Variants in PLEKHH2 observed in about 807,000 individuals in gnomAD.
PLEKHH2 encodes the protein pleckstrin homology domain-containing family H member 2.
Under a neutral mutation model 187.9 loss-of-function variants are expected in PLEKHH2, and 129 were observed. That is an observed-to-expected ratio of 0.69 (90% CI 0.59 to 0.79). PLEKHH2 has a LOEUF of 0.79. PLEKHH2 is among the 30% of genes least tolerant of loss of function. The pLI is 0.00. For synonymous variants in PLEKHH2, 686 were observed against 605.6 expected, an observed-to-expected ratio of 1.13 and a Z score of -1.95; for missense variants, 2,076 against 1,751.2, an observed-to-expected ratio of 1.19 and a Z score of -3.31.
chr2:43,646,767 A>G (rs528001971), intron 2 of PLEKHH2, among the ~76,000 whole-genome samples: 85 of 149,620 alleles, frequency 5.7e-4, no homozygotes, highest in African/African-American at 2.0e-3. Flanking sequence ...TAGGAATGTT[A>G]TTTCGGAATT....
chr2:43,753,041 T>C lies in PLEKHH2; in HGVS notation c.3654-578T>C, dbSNP rs77044789. ...TTGGGGGTAGTTTTGAGTTGAAACC[T>C]TCACTTCCTTTTCTGTGCTGTGTCC... is the stretch of plus-strand genomic sequence containing the variant. On this transcript the variant is annotated intron_variant, in intron 24 of 29. Transcript: ENST00000282406. Among the ~76,000 whole-genome samples, 147 of 152,310 alleles carry C rather than the reference T, an allele frequency of 9.7e-4. 1 individual carries two copies. The highest frequency in any genetic ancestry group is 3.4e-3 in the African/African-American group (141 of 41,580).
intron 28 of PLEKHH2, among the ~76,000 whole-genome samples, chr2:43,763,745 T>C (rs1189570714): frequency 1.3e-5 from 2 of 152,176 alleles, no homozygotes; most frequent in African/African-American, 4.8e-5. Context: ...AAATATTTGC[T>C]GCATATGTGA....
intron 19 of PLEKHH2, among the ~76,000 whole-genome samples, chr2:43,736,553 G>A (rs533683731): frequency 2.0e-5 from 3 of 152,314 alleles, no homozygotes; most frequent in African/African-American, 7.2e-5. Context: ...TCACAGGGCT[G>A]ATCGGGCGCG....
intron 20 of PLEKHH2, among the ~76,000 whole-genome samples, chr2:43,738,941 G>T (rs1374709232): frequency 1.3e-5 from 2 of 152,034 alleles, no homozygotes; most frequent in African/African-American, 4.8e-5. Flanking sequence ...GCCCAGGCTG[G>T]AGTGCAATGG....
In PLEKHH2 at chr2:43,745,858, C is replaced by T. The variant is rs993395940; in HGVS notation, c.3556-8C>T. 9 of 1,591,778 alleles carry T rather than the reference C, an allele frequency of 5.7e-6. No homozygotes were observed. The highest frequency in any genetic ancestry group is 2.7e-5 in the African/African-American group (2 of 74,356). The stretch of plus-strand genomic sequence containing the variant: ...ACTGTAAATCTCAGTTTTCCACTTC[C>T]TTTCTAGATTTGTGACATTATTTCC... On this transcript the variant is annotated splice_polypyrimidine_tract_variant and splice_region_variant and intron_variant, in intron 23 of 29. Coordinates refer to ENST00000282406, the MANE Select transcript of PLEKHH2 (RefSeq NM_172069.4).
intron 2 of PLEKHH2, among the ~76,000 whole-genome samples, chr2:43,647,761 A>G (rs1238369482): frequency 6.6e-6 from 1 of 152,086 alleles, no homozygotes; most frequent in Non-Finnish European, 1.5e-5. Context: ...CCTTCCCCCT[A>G]AATGGATGCA....
At chr2:43,707,934 A>G (rs994518850) in intron 11 of PLEKHH2, among the ~76,000 whole-genome samples, 10 of 152,330 alleles carry the variant, frequency 6.6e-5, no homozygotes, top group Middle Eastern at 3.4e-3. Flanking sequence ...CTGATGTTAA[A>G]GTGGAGAACA....
intron 4 of PLEKHH2, 67 bp downstream of exon 4, chr2:43,692,730 A>C: frequency 6.7e-7 from 1 of 1,492,580 alleles, no homozygotes; most frequent in South Asian, 1.2e-5. Context: ...CAAAGATTAA[A>C]AAGAGAGAGC....
chr2:43,668,770 C>T (rs1226958477), intron 2 of PLEKHH2, among the ~76,000 whole-genome samples: 4 of 152,128 alleles, frequency 2.6e-5, no homozygotes, highest in Non-Finnish European at 4.4e-5. Context: ...CCCAGGAGTT[C>T]GAGACCTGCT....
At chr2:43,674,889 A>G (rs935604008) in intron 2 of PLEKHH2, among the ~76,000 whole-genome samples, 2 of 152,010 alleles carry the variant, frequency 1.3e-5, no homozygotes, top group Admixed American at 1.3e-4. Flanking sequence ...GTAGGCTGAG[A>G]TAGGAGAATC....
chr2:43,757,197 C>G lies in PLEKHH2; in HGVS notation c.3874C>G (p.Leu1292Val), dbSNP rs757753604. Residue 1292 changes from leucine (L) to valine (V), a missense_variant, in exon 26 of 30, where the codon CTA becomes GTA. By Grantham distance (32) the Leu-to-Val change is conservative. Transcript: ENST00000282406. Reference protein sequence around the residue: ...VTNQCKVNQTLKQVIEKFYPK... With the variant: ...VTNQCKVNQTVKQVIEKFYPK... ...CAATCAGTGCAAAGTGAATCAAACTCTAAAGCAAGTCATAGAGAAATTTTA... is the reference window on the plus strand; with the variant it reads ...CAATCAGTGCAAAGTGAATCAAACTGTAAAGCAAGTCATAGAGAAATTTTA... The G allele has an allele frequency of 6.2e-7, 1 of 1,604,026 alleles. No individual in the cohort carries two copies. The highest frequency in any genetic ancestry group is 8.5e-7 in the Non-Finnish European group (1 of 1,176,104).
intron 5 of PLEKHH2, among the ~76,000 whole-genome samples, 199 bp downstream of exon 5, chr2:43,694,713 CATG>C (rs1449651191): frequency 6.6e-6 from 1 of 152,114 alleles, no homozygotes; most frequent in East Asian, 1.9e-4. Context: ...TTAATAGACT[CATG>C]AGGATCAGTG....
intron 24 of PLEKHH2, among the ~76,000 whole-genome samples, chr2:43,752,266 T>G (rs1158519346): frequency 3.3e-5 from 5 of 152,246 alleles, no homozygotes; most frequent in Non-Finnish European, 7.3e-5. Flanking sequence ...CATCTGTTTC[T>G]GTTGCCCAGC....
chr2:43,677,575 T>C (rs898447964), intron 2 of PLEKHH2, among the ~76,000 whole-genome samples: 21 of 151,878 alleles, frequency 1.4e-4, no homozygotes, highest in Non-Finnish European at 2.7e-4. Flanking sequence ...CAGAACAAAA[T>C]GAAAAGTCTC....
intron 11 of PLEKHH2, among the ~76,000 whole-genome samples, chr2:43,708,846 T>C (rs1322306326): frequency 3.3e-5 from 5 of 152,198 alleles, no homozygotes; most frequent in African/African-American, 1.2e-4. Flanking sequence ...CTGAGGTCCC[T>C]ATAGGTCTAC....
intron 16 of PLEKHH2, among the ~76,000 whole-genome samples, chr2:43,725,629 C>T (rs540486839): frequency 5.0e-4 from 76 of 152,304 alleles, no homozygotes; most frequent in African/African-American, 1.8e-3. Flanking sequence ...TTCTTTCTGC[C>T]TCCTATAAGA....
chr2:43,720,345 T>C (rs1043355547), intron 15 of PLEKHH2, among the ~76,000 whole-genome samples: 1 of 151,856 alleles, frequency 6.6e-6, no homozygotes, highest in Non-Finnish European at 1.5e-5. Context: ...TTGTTACATG[T>C]GAATATTGCA....
chr2:43,667,387 CA>C (rs1375085203), intron 2 of PLEKHH2, among the ~76,000 whole-genome samples: 1 of 152,104 alleles, frequency 6.6e-6, no homozygotes, highest in African/African-American at 2.4e-5. Context: ...GGTAGTTCTT[CA>C]AAAAGTTAAA....
intron 3 of PLEKHH2, among the ~76,000 whole-genome samples, chr2:43,686,781 A>G (rs1307923252): frequency 1.3e-5 from 2 of 152,210 alleles, no homozygotes; most frequent in Non-Finnish European, 2.9e-5. Flanking sequence ...GATTTCACTG[A>G]TAACATGTCA....
Sources: gnomAD v4.1 joint callset for allele counts (sites outside exome capture counted in the v4.1 genomes callset) on GRCh38, gnomAD v4.1.1 for gene constraint, MANE v1.5 for transcripts, NCBI Gene and HGNC (gene_info 2026-07-23, HGNC 2026-07-21) for gene names.